KCNAB1: variants seen among roughly 807,000 people sequenced by gnomAD.
KCNAB1 encodes voltage-gated potassium channel subunit beta-1.
In KCNAB1, 35 loss-of-function variants were observed where a neutral mutation model predicts 64.6. The ratio of observed to expected loss-of-function variants is 0.54; its 90% CI spans 0.41 to 0.72. The LOEUF is 0.72. Ranked by LOEUF, KCNAB1 falls within the 30% of genes least tolerant of loss-of-function variation. The pLI is 0.00. For synonymous variants in KCNAB1, 177 were observed against 183.8 expected (o/e 0.96, Z 0.30); for missense variants, 401 against 512.9 (o/e 0.78, Z 2.11).
intron 2 of KCNAB1, among the ~76,000 whole-genome samples, chr3:156,432,220 A>T (rs1346478564): frequency 6.6e-6 from 1 of 152,136 alleles, no homozygotes; most frequent in African/African-American, 2.4e-5. Context: ...TGAAAACTGA[A>T]ATTCTCCCAG....
rs1281330344 is a variant in KCNAB1 at position 156,375,591 on chromosome 3, G to A, written c.276-46025G>A. Among the ~76,000 whole-genome samples, 2 of 135,330 alleles carry A rather than the reference G, an allele frequency of 1.5e-5. 1 individual carries two copies. Among genetic ancestry groups the A allele is most frequent in the African/African-American group, 6.6e-5 (2 of 30,112 alleles). The allele number at this position is 135,330 out of a possible 152,430, so 88.8% of individuals were successfully genotyped here. ...GTCTCAGAGGCAAAAGAAAATAATT[G>A]TGTCTGTGTGGAGGCACATGTGCAT... is the stretch of plus-strand genomic sequence containing the variant. On this transcript the variant is annotated intron_variant, in intron 1 of 13. Coordinates refer to ENST00000490337, the MANE Select transcript of KCNAB1 (RefSeq NM_172160.3).
At chr3:156,341,072 A>G (rs921568041) in intron 1 of KCNAB1, among the ~76,000 whole-genome samples, 1 of 152,218 alleles carries the variant, frequency 6.6e-6, no homozygotes, top group Admixed American at 6.5e-5. Context: ...ACATTTAAGT[A>G]TTTTTATGGC....
chr3:156,264,705 CAT>C (rs1219794530), intron 1 of KCNAB1, among the ~76,000 whole-genome samples: 6 of 152,032 alleles, frequency 3.9e-5, no homozygotes. Flanking sequence ...TATATACACA[CAT>C]ACATACACAT....
intron 12 of KCNAB1, among the ~76,000 whole-genome samples, chr3:156,524,608 G>T (rs527478860): frequency 6.6e-6 from 1 of 151,848 alleles, no homozygotes; most frequent in Non-Finnish European, 1.5e-5. Flanking sequence ...TTAGCCGGGC[G>T]TGGTGGTGGG....
intron 8 of KCNAB1, among the ~76,000 whole-genome samples, chr3:156,477,469 C>T (rs1436876651): frequency 6.6e-6 from 1 of 152,084 alleles, no homozygotes; most frequent in Non-Finnish European, 1.5e-5. Context: ...GTTGCCTGCT[C>T]CCCCTCACTA....
intron 1 of KCNAB1, among the ~76,000 whole-genome samples, chr3:156,133,034 T>G (rs987547724): frequency 6.6e-5 from 10 of 151,958 alleles, no homozygotes; most frequent in African/African-American, 2.4e-4. Flanking sequence ...ATTTGAAATA[T>G]TTCCTTAAAA....
intron 1 of KCNAB1, among the ~76,000 whole-genome samples, chr3:156,380,338 TA>T (rs1406943642): frequency 6.6e-6 from 1 of 152,244 alleles, no homozygotes; most frequent in Non-Finnish European, 1.5e-5. Flanking sequence ...TTTTGTTCTA[TA>T]CAATGACTGA....
intron 1 of KCNAB1, among the ~76,000 whole-genome samples, chr3:156,319,478 T>C (rs190111646): frequency 9.5e-4 from 144 of 152,286 alleles, no homozygotes; most frequent in East Asian, 7.3e-3. Flanking sequence ...CTTCTATTCA[T>C]TTATTTTTGG....
At chr3:156,176,180 A>T in intron 1 of KCNAB1, 1 of 774,652 alleles carries the variant, frequency 1.3e-6, no homozygotes, top group South Asian at 1.3e-5. Context: ...AAGAGATAAG[A>T]ACCTTCAGAA....
intron 8 of KCNAB1, among the ~76,000 whole-genome samples, chr3:156,479,209 G>A (rs1021969658): frequency 1.3e-5 from 2 of 152,132 alleles, no homozygotes; most frequent in Admixed American, 6.5e-5. Flanking sequence ...ATGGGTCTGT[G>A]TTCCTCCCAG....
chr3:156,423,278 AATG>A (rs975921741), intron 2 of KCNAB1, among the ~76,000 whole-genome samples: 10 of 152,214 alleles, frequency 6.6e-5, no homozygotes, highest in Admixed American at 1.3e-4. Flanking sequence ...GAGAGGAAAA[AATG>A]ATGCGGAAAA....
chr3:156,354,619 A>G (rs1725106899), intron 1 of KCNAB1, among the ~76,000 whole-genome samples: 2 of 151,292 alleles, frequency 1.3e-5, no homozygotes, highest in African/African-American at 4.8e-5. Context: ...ATGGTTCCTT[A>G]TTCCTGTTTT....
intron 1 of KCNAB1, among the ~76,000 whole-genome samples, chr3:156,194,515 T>C (rs1713768799): frequency 6.6e-6 from 1 of 152,150 alleles, no homozygotes. Flanking sequence ...TTTTTGGCAC[T>C]TATTTCAAGG....
chr3:156,229,948 A>G (rs1716419025), intron 1 of KCNAB1, among the ~76,000 whole-genome samples: 1 of 152,216 alleles, frequency 6.6e-6, no homozygotes, highest in Admixed American at 6.5e-5. Context: ...GAAAACATTT[A>G]GTTAGACATC....
At chr3:156,425,595 T>C (rs764746210) in intron 2 of KCNAB1, among the ~76,000 whole-genome samples, 1 of 152,180 alleles carries the variant, frequency 6.6e-6, no homozygotes, top group Non-Finnish European at 1.5e-5. Context: ...CCCGATCTGA[T>C]AGGAGGTGGA....
At chr3:156,418,459 A>T (rs961319084) in intron 1 of KCNAB1, among the ~76,000 whole-genome samples, 4 of 152,246 alleles carry the variant, frequency 2.6e-5, no homozygotes, top group African/African-American at 9.6e-5. Context: ...TTGGGCTTCT[A>T]TTACACATCA....
chr3:156,177,204 G>C (rs1017450779), intron 1 of KCNAB1, among the ~76,000 whole-genome samples: 4 of 152,132 alleles, frequency 2.6e-5, no homozygotes, highest in African/African-American at 9.7e-5. Context: ...AGTTTGGGAG[G>C]AAACTGGGGA....
At chr3:156,472,152 G>A (rs16826288) in intron 7 of KCNAB1, among the ~76,000 whole-genome samples, 19,211 of 151,990 alleles carry the variant, frequency 0.13, 2,154 homozygotes, top group African/African-American at 0.31. Flanking sequence ...AGTAACAGTC[G>A]CTTCACTTCT....
chr3:156,366,814 T>C (rs1483558439), intron 1 of KCNAB1, among the ~76,000 whole-genome samples: 1 of 152,192 alleles, frequency 6.6e-6, no homozygotes, highest in African/African-American at 2.4e-5. Context: ...GGGAAACCAC[T>C]TTGCTCAACA....
Sources: gnomAD v4.1 joint callset for allele counts (sites outside exome capture counted in the v4.1 genomes callset) on GRCh38, gnomAD v4.1.1 for gene constraint, MANE v1.5 for transcripts, NCBI Gene and HGNC (gene_info 2026-07-23, HGNC 2026-07-21) for gene names.